MYO18A: variants seen among roughly 807,000 people sequenced by gnomAD.
MYO18A encodes myosin XVIIIA, also known as unconventional myosin-XVIIIa.
In MYO18A, 78 loss-of-function variants were observed where a neutral mutation model predicts 235.8. The observed-to-expected ratio is 0.33, with a 90% CI of 0.28 to 0.40. MYO18A has a LOEUF of 0.40. Among genes scored for constraint, MYO18A ranks in the 10% least tolerant of loss-of-function variants. The pLI is 1.00. For missense variants in MYO18A, 2,215 were observed against 2,699.3 expected (o/e 0.82, Z 3.98); for synonymous variants, 977 against 1,077.8 (o/e 0.91, Z 1.83).
At chr17:29,110,320 A>C in intron 18 of MYO18A, 116 bp downstream of exon 18, 1 of 1,327,012 alleles carries the variant, frequency 7.5e-7, no homozygotes, top group Non-Finnish European at 1.0e-6. Context: ...ATTGAGTCAC[A>C]GTGGGACGCT....
Position 29,121,265 on chromosome 17 carries a change from A to G in MYO18A, c.1372-54T>C, listed in dbSNP as rs1319084453. On this transcript the variant is annotated intron_variant, in intron 5 of 41. Coordinates refer to ENST00000527372, the MANE Select transcript of MYO18A (RefSeq NM_078471.4). The surrounding 1 kb of genome is among the most constrained non-coding windows in gnomAD (Gnocchi z 4.2). ...GGTTGGCTCTTAGCTGATCCCATTA[A>G]GACACCCCTCACCCCCAAGGTCCAC... 4 of 1,528,262 alleles carry G rather than the reference A, an allele frequency of 2.6e-6. No individual in the cohort carries two copies. In the Admixed American group the frequency reaches 7.8e-5, roughly 30 times the overall value. 94.7% of individuals were successfully genotyped at this position (1,528,262 alleles called of 1,614,324 possible). A position where few individuals can be genotyped will look rare whatever the true frequency, so the allele number is the denominator to read the frequency against.
chr17:29,157,729 C>T (rs548319762), intron 2 of MYO18A, among the ~76,000 whole-genome samples: 3 of 152,160 alleles, frequency 2.0e-5, no homozygotes, highest in Admixed American at 1.3e-4. Flanking sequence ...ACGTGATCCT[C>T]ACCTTGCCAG....
chr17:29,143,236 A>G (rs1167171789), intron 2 of MYO18A, among the ~76,000 whole-genome samples: 1 of 152,138 alleles, frequency 6.6e-6, no homozygotes, highest in Non-Finnish European at 1.5e-5. Context: ...TTCATTTTCA[A>G]TACTTAAAAC....
chr17:29,107,180 T>C lies in MYO18A; in HGVS notation c.3341A>G (p.Asp1114Gly). Residue 1114 changes from aspartate (D) to glycine (G), a missense_variant, in exon 20 of 42, where the codon GAC becomes GGC. Transcript: ENST00000527372. ...AMRMYRQGYPDHMVFSEFRRR... is the reference protein window; with the variant it reads ...AMRMYRQGYPGHMVFSEFRRR... ...GCGGAACTCGGAAAACACCATGTGG[T>C]CAGGGTAACCTAGAGAGAGCAGCCC... The C allele has an allele frequency of 6.2e-7, 1 of 1,613,858 alleles. No homozygotes were observed. The highest frequency in any genetic ancestry group is 1.1e-5 in the South Asian group (1 of 91,064).
At chr17:29,103,939 G>C (rs1177719573) in intron 20 of MYO18A, among the ~76,000 whole-genome samples, 1 of 152,252 alleles carries the variant, frequency 6.6e-6, no homozygotes, top group African/African-American at 2.4e-5. Flanking sequence ...GACAGCTGTT[G>C]GTTGTGCTGA....
At position 29,073,649 on chromosome 17, in the gene MYO18A, C is replaced by A; in HGVS notation, c.*1121G>T. The stretch of plus-strand genomic sequence containing the variant: ...AGCAGCACCAGGCACTGCACTTGGG[C>A]TCCCAAGTCTGGTGGAGTTCTCAGG... On this transcript the variant is annotated 3_prime_UTR_variant, in exon 42 of 42. Transcript: ENST00000527372. The A allele has an allele frequency of 1.8e-6, 1 of 568,174 alleles. No homozygotes were observed. Among genetic ancestry groups the A allele is most frequent in the Non-Finnish European group, 3.1e-6 (1 of 326,120 alleles). The allele number at this position is 568,174 out of a possible 1,614,324, so 35.2% of individuals were successfully genotyped here.
intron 20 of MYO18A, among the ~76,000 whole-genome samples, chr17:29,104,350 T>G (rs1274997871): frequency 6.6e-6 from 1 of 152,156 alleles, no homozygotes; most frequent in Non-Finnish European, 1.5e-5. Context: ...GACAGAGCCT[T>G]GCTGGATACG....
At position 29,096,845 on chromosome 17, in the gene MYO18A, C is replaced by T. The variant is rs375872794; in HGVS notation, c.4301G>A (p.Arg1434Gln). The T allele has an allele frequency of 2.3e-5, 37 of 1,592,434 alleles. No homozygotes were observed. The highest frequency in any genetic ancestry group is 4.0e-5 in the African/African-American group (3 of 74,512). The change falls in exon 28 of 42, where the codon CGA becomes CAA. Residue 1434 changes from arginine to glutamine, a missense_variant. By Grantham distance (43) the Arg-to-Gln change is conservative. Coordinates refer to ENST00000527372, the MANE Select transcript of MYO18A (RefSeq NM_078471.4). Reference protein sequence around the residue: ...ALQQLKKKCQRLTAELQDTKL... With the variant: ...ALQQLKKKCQQLTAELQDTKL... ...GGTGTCTTGCAGCTCAGCCGTCAGT[C>T]GCTGGCACTTCTTCTTGAGCTGCTG...
At chr17:29,151,630 C>A (rs1485817530) in intron 2 of MYO18A, among the ~76,000 whole-genome samples, 1 of 152,202 alleles carries the variant, frequency 6.6e-6, no homozygotes, top group Non-Finnish European at 1.5e-5. Flanking sequence ...GCGTCCCAGG[C>A]CTGGGAGAAA....
chr17:29,099,194 C>G (rs1018014397), intron 22 of MYO18A, among the ~76,000 whole-genome samples: 1 of 152,158 alleles, frequency 6.6e-6, no homozygotes, highest in Non-Finnish European at 1.5e-5. Context: ...TGGGCACTAG[C>G]CACTCCACTG....
chr17:29,091,662 G>C (rs2066400911), intron 34 of MYO18A: 1 of 454,900 alleles, frequency 2.2e-6, no homozygotes, highest in Admixed American at 2.4e-5. Context: ...AATGTCATGG[G>C]GATAAATCAA....
chr17:29,087,054 G>A lies in MYO18A; in HGVS notation c.5594C>T (p.Ala1865Val). The change falls in exon 38 of 42, where the codon GCC becomes GTC. Residue 1865 changes from alanine (A) to valine (V), a missense_variant. Physicochemically the swap from Ala to Val is moderately conservative, Grantham distance 64. Coordinates refer to ENST00000527372, the MANE Select transcript of MYO18A (RefSeq NM_078471.4). ...GTTCTGTTCCTTCTCCCGGTTCTCGGCTGCAATGCGCTGATCCCGCTCCTC... is the reference window on the plus strand; with the variant it reads ...GTTCTGTTCCTTCTCCCGGTTCTCGACTGCAATGCGCTGATCCCGCTCCTC... ...LTEERDQRIA[A>V]ENREKEQNKR... The A allele has an allele frequency of 6.2e-7, 1 of 1,614,004 alleles. No homozygotes were observed. The highest frequency in any genetic ancestry group is 8.5e-7 in the Non-Finnish European group (1 of 1,179,896).
At position 29,074,909 on chromosome 17, in the gene MYO18A, G is replaced by A. The variant is rs754644057; in HGVS notation, c.6026C>T (p.Thr2009Ile). The change falls in exon 42 of 42, where the codon ACC becomes ATC. Residue 2009 changes from threonine (T) to isoleucine (I), a missense_variant. Thr to Ile is a moderately conservative substitution (Grantham distance 89). Coordinates refer to ENST00000527372, the MANE Select transcript of MYO18A (RefSeq NM_078471.4). This position sits in a 1 kb window ranked among gnomAD's most constrained non-coding sequence, Gnocchi z 4.4. ...AGGGGCAAGGGACTTCCAGTAGCTG[G>A]TGGGGCTGCAGGGACCGAGGAATAA... ...DDGSLKSSSP[T>I]SYWKSLAPDR... 1.2e-6 allele frequency: 2 copies of A among 1,613,976 alleles called. No homozygotes were observed. Among genetic ancestry groups the A allele is most frequent in the Admixed American group, 1.7e-5 (1 of 60,018 alleles).
chr17:29,109,176 C>A lies in MYO18A; in HGVS notation c.3331+682G>T, dbSNP rs1423350435. 6.6e-6 allele frequency among the ~76,000 whole-genome samples: 1 copy of A among 151,744 alleles called. No individual in the cohort carries two copies. The highest frequency in any genetic ancestry group is 2.4e-5 in the African/African-American group (1 of 41,316). On this transcript the variant is annotated intron_variant, in intron 19 of 41. Transcript: ENST00000527372. The surrounding 1 kb of genome is among the most constrained non-coding windows in gnomAD (Gnocchi z 4.1). The stretch of plus-strand genomic sequence containing the variant: ...AAAAACAAAAAAAAAACAAAAAAAA[C>A]CCACCCTACTTGAGAGACATGAGAC...
chr17:29,093,429 T>C lies in MYO18A; in HGVS notation c.4822-2A>G. On this transcript the variant is annotated splice_acceptor_variant, in intron 31 of 41. Transcript: ENST00000527372. LOFTEE classifies it high-confidence loss of function. ...TAGCTGCACCTCCATCTGTTTTAAC[T>C]GGAGTACCATGGGGACAGAGACCCG... 1 of 1,607,234 alleles carries C rather than the reference T, an allele frequency of 6.2e-7. No homozygotes were observed. The highest frequency in any genetic ancestry group is 8.5e-7 in the Non-Finnish European group (1 of 1,177,724).
intron 40 of MYO18A, among the ~76,000 whole-genome samples, 166 bp downstream of exon 40, chr17:29,085,438 C>T (rs894228382): frequency 6.6e-6 from 1 of 152,234 alleles, no homozygotes; most frequent in African/African-American, 2.4e-5. Context: ...CTCCCTGCCT[C>T]CCCCGAGGAT....
rs565443436 is a variant in MYO18A at position 29,093,106 on chromosome 17, G to A, written c.4927-105C>T. The A allele has an allele frequency of 2.0e-5, 29 of 1,446,234 alleles. No individual in the cohort carries two copies. In the Admixed American group the frequency reaches 3.5e-4, roughly 17 times the overall value. 89.6% of individuals were successfully genotyped at this position (1,446,234 alleles called of 1,614,324 possible). ...GTCCTCATTATCAGTGTCCCCATAA[G>A]GATGCTGGAAGAGCCAGGGTCATGC... On this transcript the variant is annotated intron_variant, in intron 32 of 41. Coordinates refer to ENST00000527372, the MANE Select transcript of MYO18A (RefSeq NM_078471.4).
At chr17:29,104,916 C>T (rs2066744378) in intron 20 of MYO18A, among the ~76,000 whole-genome samples, 1 of 152,064 alleles carries the variant, frequency 6.6e-6, no homozygotes, top group South Asian at 2.1e-4. Flanking sequence ...CGCGGTGGCT[C>T]ACGCCTGTAA....
At chr17:29,095,924 T>C (rs917259486) in intron 28 of MYO18A, among the ~76,000 whole-genome samples, 1 of 151,838 alleles carries the variant, frequency 6.6e-6, no homozygotes, top group Non-Finnish European at 1.5e-5. Flanking sequence ...GTGCCAGCCT[T>C]TGGGTAAAGG....
Sources: allele counts gnomAD v4.1 joint callset (sites outside exome capture counted in the v4.1 genomes callset), GRCh38; gene constraint gnomAD v4.1.1; non-coding constraint Gnocchi (gnomAD v3.1); transcripts MANE v1.5; gene names NCBI Gene and HGNC (gene_info 2026-07-23, HGNC 2026-07-21).